YEATS4: variants seen among roughly 807,000 people sequenced by gnomAD.
The protein encoded by YEATS4 is YEATS domain-containing protein 4.
A neutral mutation model predicts 30.1 loss-of-function variants in YEATS4; 17 were observed. The ratio of observed to expected loss-of-function variants is 0.56; its 90% CI spans 0.39 to 0.85. The LOEUF is 0.85. Among genes scored for constraint, YEATS4 ranks in the 40% least tolerant of loss-of-function variants. The pLI, the probability that YEATS4 is intolerant of heterozygous loss-of-function variation, is 0.00. For missense variants in YEATS4, 142 were observed against 268.3 expected (o/e 0.53, Z 3.29); for synonymous variants, 85 against 87.5 (o/e 0.97, Z 0.16).
chr12:69,402,725 C>CTT, the YEATS4 span, among the ~76,000 whole-genome samples: 417 of 113,070 alleles, frequency 3.7e-3, 6 homozygotes, highest in East Asian at 0.019. Context: ...TCTTTCTTTT[C>CTT]TTTTTTTTTT....
intron 4 of YEATS4, 45 bp from the exon 5 acceptor site, chr12:69,370,661 G>A: frequency 6.9e-7 from 1 of 1,449,452 alleles, no homozygotes; most frequent in Non-Finnish European, 9.2e-7. Flanking sequence ...ATCTTATGAT[G>A]ATAAAAACCA....
At position 69,376,712 on chromosome 12, in the gene YEATS4, G is replaced by A. The variant is rs142741800; in HGVS notation, c.514+5737G>A. 3.0e-3 allele frequency among the ~76,000 whole-genome samples: 461 copies of A among 152,274 alleles called. 1 individual carries two copies. The highest frequency in any genetic ancestry group is 0.011 in the African/African-American group (440 of 41,560). On this transcript the variant is annotated intron_variant, in intron 6 of 6. Coordinates refer to ENST00000247843, the MANE Select transcript of YEATS4 (RefSeq NM_006530.4). ...TGGTTTTGGTGTCTAGGTAATACTG[G>A]CCTCATAGAATGAGTTTGGAAGTAT...
the YEATS4 span, among the ~76,000 whole-genome samples, chr12:69,411,961 G>GAGAC: frequency 6.6e-6 from 1 of 152,322 alleles, no homozygotes; most frequent in East Asian, 1.9e-4. Flanking sequence ...TATTCCAAGT[G>GAGAC]AGACAGGAAA....
chr12:69,388,490 T>C (rs1193536495), intron 6 of YEATS4, among the ~76,000 whole-genome samples: 1 of 152,238 alleles, frequency 6.6e-6, no homozygotes, highest in Admixed American at 6.5e-5. Flanking sequence ...GGCTTCCAAT[T>C]AGTGACCATC....
chr12:69,371,458 TTCTC>T (rs1187517109), intron 6 of YEATS4, among the ~76,000 whole-genome samples: 1 of 152,262 alleles, frequency 6.6e-6, no homozygotes, highest in Non-Finnish European at 1.5e-5. Flanking sequence ...ATGTTGTATT[TTCTC>T]TCTAAGCTGA....
intron 6 of YEATS4, among the ~76,000 whole-genome samples, chr12:69,385,773 G>C (rs960241233): frequency 6.6e-6 from 1 of 152,216 alleles, no homozygotes; most frequent in Non-Finnish European, 1.5e-5. Context: ...TGAACACTTA[G>C]TGAGAGCTTA....
chr12:69,413,565 T>C, the YEATS4 span, among the ~76,000 whole-genome samples: 265 of 123,066 alleles, frequency 2.2e-3, 1 homozygote, highest in Middle Eastern at 0.013. Flanking sequence ...TAAGTAAAGA[T>C]ATGAGGCTGG....
chr12:69,406,528 C>T, the YEATS4 span, among the ~76,000 whole-genome samples: 1 of 152,066 alleles, frequency 6.6e-6, no homozygotes, highest in Non-Finnish European at 1.5e-5. Flanking sequence ...AAGTTTTCAC[C>T]ATGTTGCCCA....
chr12:69,397,471 T>A, the YEATS4 span, among the ~76,000 whole-genome samples: 1 of 152,112 alleles, frequency 6.6e-6, no homozygotes, highest in African/African-American at 2.4e-5. Flanking sequence ...GTTTTTCCTG[T>A]GCTGTTCTCA....
intron 6 of YEATS4, among the ~76,000 whole-genome samples, chr12:69,379,507 G>A (rs916897887): frequency 6.6e-6 from 1 of 150,950 alleles, no homozygotes; most frequent in Non-Finnish European, 1.5e-5. Context: ...CCACCTTCCG[G>A]GTTCAAGCAA....
chr12:69,406,679 ATAT>A, the YEATS4 span, among the ~76,000 whole-genome samples: 1 of 152,092 alleles, frequency 6.6e-6, no homozygotes, highest in Non-Finnish European at 1.5e-5. Flanking sequence ...TTTTCACTTA[ATAT>A]TATATGTCAT....
At chr12:69,395,604 T>A (rs891359430), downstream of YEATS4, among the ~76,000 whole-genome samples, 1 of 152,174 alleles carries the variant, frequency 6.6e-6, no homozygotes, top group Non-Finnish European at 1.5e-5. Flanking sequence ...TTTAGCTTTT[T>A]AAAAAATAAG....
chr12:69,382,335 G>C (rs1458612374), intron 6 of YEATS4, among the ~76,000 whole-genome samples: 1 of 152,178 alleles, frequency 6.6e-6, no homozygotes, highest in East Asian at 1.9e-4. Context: ...CCAGGAGCCA[G>C]GGCCTGGAGT....
In YEATS4 at chr12:69,359,859, C is replaced by A. The variant is rs558889871; in HGVS notation, c.-114C>A. 1.6e-5 allele frequency: 22 copies of A among 1,352,464 alleles called. No individual in the cohort carries two copies. In the African/African-American group the frequency reaches 2.7e-4, roughly 16 times the overall value. 83.8% of individuals were successfully genotyped at this position (1,352,464 alleles called of 1,614,324 possible). A position where few individuals can be genotyped will look rare whatever the true frequency, so the allele number is the denominator to read the frequency against. On this transcript the variant is annotated 5_prime_UTR_variant, in exon 1 of 7. Coordinates refer to ENST00000247843, the MANE Select transcript of YEATS4 (RefSeq NM_006530.4). ...GCCCAAGTAACTCGCCCTCCTTCGG[C>A]TAGAAACCCTCCGCCTGGGCCCGCG...
chr12:69,416,100 T>A, the YEATS4 span, among the ~76,000 whole-genome samples: 2 of 152,130 alleles, frequency 1.3e-5, no homozygotes, highest in African/African-American at 4.8e-5. Flanking sequence ...AGGCCCGCGG[T>A]CCTACCTCAG....
chr12:69,395,765 A>C (rs534234581), downstream of YEATS4, among the ~76,000 whole-genome samples: 2 of 152,168 alleles, frequency 1.3e-5, no homozygotes, highest in Admixed American at 6.5e-5. Context: ...TAAATGATGT[A>C]AGGGACCAGG....
chr12:69,389,201 G>A (rs11177642), intron 6 of YEATS4, among the ~76,000 whole-genome samples: 19,247 of 151,978 alleles, frequency 0.13, 1,548 homozygotes, highest in Non-Finnish European at 0.18. Flanking sequence ...TGTAATCCCC[G>A]CACTTTGGGA....
downstream of YEATS4, among the ~76,000 whole-genome samples, chr12:69,391,172 T>TTGTA (rs1189535485): frequency 2.0e-5 from 3 of 151,628 alleles, no homozygotes; most frequent in Non-Finnish European, 4.4e-5. Context: ...CACATGCCTG[T>TTGTA]AATCCCAGCT....
intron 6 of YEATS4, among the ~76,000 whole-genome samples, chr12:69,384,169 T>A (rs1467883826): frequency 6.6e-6 from 1 of 152,226 alleles, no homozygotes; most frequent in African/African-American, 2.4e-5. Context: ...ATATGATCAC[T>A]TTGAAAAGGT....
Sources: gnomAD v4.1 joint callset for allele counts (sites outside exome capture counted in the v4.1 genomes callset) on GRCh38, gnomAD v4.1.1 for gene constraint, MANE v1.5 for transcripts, NCBI Gene and HGNC (gene_info 2026-07-23, HGNC 2026-07-21) for gene names.